The following SLC9A8 variants were observed in gnomAD, a reference collection of about 807,000 sequenced individuals.
SLC9A8 encodes solute carrier family 9 member A8.
Under a neutral mutation model 66.6 loss-of-function variants are expected in SLC9A8, and 48 were observed. The ratio of observed to expected loss-of-function variants is 0.72; its 90% CI spans 0.57 to 0.92. The LOEUF (loss-of-function observed/expected upper bound fraction) is 0.92. SLC9A8 is among the 40% of genes least tolerant of loss of function. SLC9A8 has a pLI of 0.00. For missense variants in SLC9A8, 599 were observed against 747.3 expected (o/e 0.80, Z 2.31); for synonymous variants, 274 against 282.6 (o/e 0.97, Z 0.31).
chr20:49,853,583 A>G (rs544345509), intron 7 of SLC9A8, among the ~76,000 whole-genome samples: 1 of 152,206 alleles, frequency 6.6e-6, no homozygotes, highest in Non-Finnish European at 1.5e-5. Flanking sequence ...GCCACCAATA[A>G]AATAGGATCT....
At chr20:49,852,818 T>C (rs2088306848) in intron 7 of SLC9A8, among the ~76,000 whole-genome samples, 1 of 152,074 alleles carries the variant, frequency 6.6e-6, no homozygotes, top group Non-Finnish European at 1.5e-5. Context: ...ACATGATTTA[T>C]ACAAAGCATT....
chr20:49,874,787 G>T lies in SLC9A8; in HGVS notation c.1041G>T (p.Met347Ile). The change falls in exon 11 of 16, where the codon ATG (methionine) becomes ATT (isoleucine). Residue 347 changes from methionine to isoleucine, a missense_variant. Physicochemically the swap from Met to Ile is conservative, Grantham distance 10. Coordinates refer to ENST00000361573, the MANE Select transcript of SLC9A8 (RefSeq NM_015266.3). ...HNLSPVTQIL[M>I]QQTLRTVAFL... ...TCTCCCCAGTCACCCAGATCCTCAT[G>T]CAGCAGACCCTCCGCACCGTGGCCT... The T allele has an allele frequency of 1.2e-6, 2 of 1,613,868 alleles. No homozygotes were observed. Among genetic ancestry groups the T allele is most frequent in the Non-Finnish European group, 1.7e-6 (2 of 1,179,738 alleles).
intron 7 of SLC9A8, 39 bp from the exon 8 acceptor site, chr20:49,855,399 A>G: frequency 1.2e-6 from 2 of 1,604,856 alleles, no homozygotes; most frequent in South Asian, 2.2e-5. Flanking sequence ...ACCAAGTGAC[A>G]CACATTACAG....
intron 2 of SLC9A8, among the ~76,000 whole-genome samples, chr20:49,822,247 C>T (rs750692915): frequency 1.7e-4 from 26 of 152,256 alleles, no homozygotes; most frequent in South Asian, 6.2e-4. Flanking sequence ...TTTACTTTTT[C>T]CTGTTTGTAA....
intron 3 of SLC9A8, chr20:49,830,704 T>G: frequency 1.5e-6 from 1 of 685,776 alleles, no homozygotes; most frequent in Non-Finnish European, 2.7e-6. Flanking sequence ...ACCTCCTCCT[T>G]CCTAGGTGAA....
intron 2 of SLC9A8, among the ~76,000 whole-genome samples, chr20:49,816,452 A>G (rs1200991305): frequency 6.6e-6 from 1 of 151,942 alleles, no homozygotes; most frequent in Non-Finnish European, 1.5e-5. Flanking sequence ...CAAAAAACTA[A>G]TTTTGTTCAA....
At chr20:49,882,717 T>C (rs2089675814) in intron 13 of SLC9A8, among the ~76,000 whole-genome samples, 1 of 152,196 alleles carries the variant, frequency 6.6e-6, no homozygotes, top group Admixed American at 6.5e-5. Context: ...TACTTTGAAT[T>C]GCCCGGTGGC....
chr20:49,856,000 C>T (rs908594955), intron 8 of SLC9A8, among the ~76,000 whole-genome samples: 1 of 152,114 alleles, frequency 6.6e-6, no homozygotes, highest in Non-Finnish European at 1.5e-5. Context: ...GCCATGTTGC[C>T]CAGGCTTGTC....
intron 5 of SLC9A8, among the ~76,000 whole-genome samples, chr20:49,848,642 CTACCATG>C (rs1254631917): frequency 6.6e-6 from 1 of 152,158 alleles, no homozygotes; most frequent in African/African-American, 2.4e-5. Flanking sequence ...TTGAAAGATG[CTACCATG>C]CTGCTTGAAC....
intron 13 of SLC9A8, among the ~76,000 whole-genome samples, chr20:49,881,980 C>T (rs755997407): frequency 1.8e-4 from 27 of 152,012 alleles, no homozygotes; most frequent in South Asian, 1.2e-3. Flanking sequence ...CGGGGGCTGT[C>T]GGCTCCTGTT....
chr20:49,817,327 C>T (rs6012751), intron 2 of SLC9A8, among the ~76,000 whole-genome samples: 1 of 151,120 alleles, frequency 6.6e-6, no homozygotes, highest in Non-Finnish European at 1.5e-5. Context: ...CCCACCCCCC[C>T]AAAAAAACAA....
intron 11 of SLC9A8, among the ~76,000 whole-genome samples, chr20:49,875,813 C>G (rs1237116735): frequency 1.3e-5 from 2 of 152,002 alleles, no homozygotes; most frequent in African/African-American, 4.8e-5. Context: ...CAGCTCACTG[C>G]AAGCTCCGCC....
intron 8 of SLC9A8, among the ~76,000 whole-genome samples, chr20:49,859,453 G>A (rs1286298255): frequency 1.3e-5 from 2 of 151,042 alleles, no homozygotes; most frequent in African/African-American, 2.4e-5. Context: ...AAAGGGGCAT[G>A]TCAGACTTAC....
At chr20:49,869,624 G>C (rs1296123412) in intron 10 of SLC9A8, among the ~76,000 whole-genome samples, 1 of 151,844 alleles carries the variant, frequency 6.6e-6, no homozygotes, top group Non-Finnish European at 1.5e-5. Flanking sequence ...ACGAGGTCAA[G>C]AGATCAAAAC....
intron 3 of SLC9A8, chr20:49,829,655 C>A: frequency 2.2e-6 from 1 of 456,454 alleles, no homozygotes; most frequent in South Asian, 2.0e-5. Flanking sequence ...TAAAGATTCA[C>A]AAGGGTAAAC....
chr20:49,880,858 T>C, intron 12 of SLC9A8, 66 bp from the exon 13 acceptor site: 2 of 1,072,864 alleles, frequency 1.9e-6, no homozygotes. Flanking sequence ...ATTAGCTTCA[T>C]CCAAGAAGCT....
intron 7 of SLC9A8, among the ~76,000 whole-genome samples, chr20:49,851,656 C>A (rs576997989): frequency 6.6e-6 from 1 of 152,312 alleles, no homozygotes; most frequent in South Asian, 2.1e-4. Flanking sequence ...GAACCCTTTT[C>A]ATGGGAACTG....
At chr20:49,829,573 TTGGAACATAAGATCATGCC>T (rs2087086038) in intron 3 of SLC9A8, 1 of 329,052 alleles carries the variant, frequency 3.0e-6, no homozygotes, top group Middle Eastern at 5.2e-4. Flanking sequence ...TGAAATTTTT[TTGGAACATAAGATCATGCC>T]TGGATTAAAG....
At chr20:49,875,820 C>T (rs748936437) in intron 11 of SLC9A8, among the ~76,000 whole-genome samples, 7 of 151,948 alleles carry the variant, frequency 4.6e-5, no homozygotes, top group African/African-American at 1.2e-4. Context: ...CTGCAAGCTC[C>T]GCCTCCCGGG....
Sources: gnomAD v4.1 joint callset for allele counts (sites outside exome capture counted in the v4.1 genomes callset) on GRCh38, gnomAD v4.1.1 for gene constraint, MANE v1.5 for transcripts, NCBI Gene and HGNC (gene_info 2026-07-23, HGNC 2026-07-21) for gene names.